The following KLHL2 variants were observed in gnomAD, a reference collection of about 807,000 sequenced individuals.
The protein encoded by KLHL2 is kelch-like protein 2.
A neutral mutation model predicts 75.8 loss-of-function variants in KLHL2; 15 were observed. That is an observed-to-expected ratio of 0.20 (90% CI 0.13 to 0.30). The LOEUF is 0.30. Ranked by LOEUF, KLHL2 falls within the 10% of genes least tolerant of loss-of-function variation. KLHL2 has a pLI of 1.00. For synonymous variants in KLHL2, 214 were observed against 251.9 expected (o/e 0.85, Z 1.42); for missense variants, 381 against 741.0 (o/e 0.51, Z 5.64).
chr4:165,240,694 G>A (rs973597800), intron 4 of KLHL2, among the ~76,000 whole-genome samples: 19 of 152,012 alleles, frequency 1.2e-4, no homozygotes, highest in Admixed American at 3.3e-4. Flanking sequence ...GTTTCTTTTT[G>A]TTCATTCTTT....
In KLHL2 at chr4:165,313,246, TATGCTG is replaced by T; in HGVS notation, c.1349_1354del (p.Tyr450_Val452delinsLeu). 1 of 1,610,590 alleles carries T rather than the reference TATGCTG, an allele frequency of 6.2e-7. No individual in the cohort carries two copies. Among genetic ancestry groups the T allele is most frequent in the Non-Finnish European group, 8.5e-7 (1 of 1,178,628 alleles). On this transcript the variant is annotated inframe_deletion, in exon 12 of 15. Coordinates refer to ENST00000226725, the MANE Select transcript of KLHL2 (RefSeq NM_007246.4). ...TGTGATTTTATGTGTAGGTTTGCTC[TATGCTG>T]TAGGAGGTTATGATGGAGCATCACG...
intron 4 of KLHL2, among the ~76,000 whole-genome samples, chr4:165,248,158 C>T (rs957184495): frequency 2.0e-5 from 3 of 152,108 alleles, no homozygotes; most frequent in African/African-American, 7.2e-5. Flanking sequence ...TAGAGCAAGA[C>T]TACATGAGTG....
At chr4:165,233,617 G>T (rs572912464) in intron 3 of KLHL2, among the ~76,000 whole-genome samples, 4 of 152,058 alleles carry the variant, frequency 2.6e-5, no homozygotes, top group Non-Finnish European at 4.4e-5. Flanking sequence ...ATTCATCAAG[G>T]AATATTTATT....
intron 5 of KLHL2, among the ~76,000 whole-genome samples, chr4:165,283,259 C>G (rs1743831993): frequency 6.6e-6 from 1 of 152,210 alleles, no homozygotes; most frequent in South Asian, 2.1e-4. Context: ...CAACAGTCCC[C>G]CAAAGTCTTA....
intron 1 of KLHL2, chr4:165,208,385 T>C (rs889363762): frequency 6.6e-6 from 1 of 152,262 alleles, no homozygotes; most frequent in Non-Finnish European, 1.5e-5. Flanking sequence ...TCTGAGGAGC[T>C]TTTGCATCAC....
chr4:165,298,635 G>T (rs1297792855), intron 7 of KLHL2, among the ~76,000 whole-genome samples: 1 of 151,922 alleles, frequency 6.6e-6, no homozygotes, highest in Non-Finnish European at 1.5e-5. Flanking sequence ...GGGTCTTCTG[G>T]TATTAAGAAG....
intron 5 of KLHL2, among the ~76,000 whole-genome samples, chr4:165,293,594 C>T (rs189978543): frequency 8.0e-4 from 122 of 151,944 alleles, no homozygotes; most frequent in Admixed American, 1.4e-3. Context: ...GCTTCGCCTC[C>T]CAGGTTCATT....
intron 1 of KLHL2, among the ~76,000 whole-genome samples, chr4:165,215,711 A>G (rs934477664): frequency 6.6e-6 from 1 of 151,764 alleles, no homozygotes; most frequent in Non-Finnish European, 1.5e-5. Flanking sequence ...CATCATTCAC[A>G]TGAATGGTTG....
intron 3 of KLHL2, among the ~76,000 whole-genome samples, chr4:165,229,297 A>G (rs565865431): frequency 1.3e-5 from 2 of 152,360 alleles, no homozygotes; most frequent in East Asian, 3.9e-4. Context: ...TTTATTTAAT[A>G]TCCTTCATTT....
intron 3 of KLHL2, 64 bp from the exon 4 acceptor site, chr4:165,238,714 T>C (rs1739563826): frequency 2.5e-6 from 4 of 1,602,856 alleles, no homozygotes; most frequent in Admixed American, 1.8e-5. Context: ...TCAATCTACA[T>C]TGGCATTGGA....
Position 165,274,943 on chromosome 4 carries a change from G to A in KLHL2, c.544+11584G>A, listed in dbSNP as rs539581590. On this transcript the variant is annotated intron_variant, in intron 5 of 14. Coordinates refer to ENST00000226725, the MANE Select transcript of KLHL2 (RefSeq NM_007246.4). ...GAGATGCTCTCGTGGCTTCAGCAGC[G>A]TGGCACTGGCAGTGACAGCCTGTCG... Among the ~76,000 whole-genome samples the A allele has an allele frequency of 9.9e-5, 15 of 152,238 alleles. No homozygotes were observed. In the South Asian group the frequency reaches 1.7e-3, roughly 17 times the overall value.
rs1172521020 is a variant in KLHL2 at position 165,311,456 on chromosome 4, T to C, written c.1238-8T>C. On this transcript the variant is annotated splice_polypyrimidine_tract_variant and splice_region_variant and intron_variant, in intron 10 of 14. Coordinates refer to ENST00000226725, the MANE Select transcript of KLHL2 (RefSeq NM_007246.4). ...GAAGGAAATGAAGACTATTGTGCTT[T>C]ATTATAGGTTTGTCATCTGTGGAAG... 5 of 1,586,766 alleles carry C rather than the reference T, an allele frequency of 3.2e-6. No homozygotes were observed. Among genetic ancestry groups the C allele is most frequent in the East Asian group, 2.2e-5 (1 of 44,738 alleles).
intron 1 of KLHL2, among the ~76,000 whole-genome samples, chr4:165,216,762 G>A (rs969379537): frequency 9.2e-5 from 14 of 152,114 alleles, no homozygotes; most frequent in Non-Finnish European, 1.9e-4. Flanking sequence ...AAGGGCATTC[G>A]TTTTGAAAAT....
chr4:165,218,335 CT>C (rs1737698975), intron 1 of KLHL2, among the ~76,000 whole-genome samples: 1 of 152,182 alleles, frequency 6.6e-6, no homozygotes. Context: ...CAGCCCCAGC[CT>C]TTTGCCAAAG....
At chr4:165,293,563 T>C (rs1346541700) in intron 5 of KLHL2, among the ~76,000 whole-genome samples, 1 of 151,694 alleles carries the variant, frequency 6.6e-6, no homozygotes. Flanking sequence ...AGTGCAGTGC[T>C]GCGATCTCAG....
intron 1 of KLHL2, among the ~76,000 whole-genome samples, chr4:165,215,695 C>A: frequency 6.6e-6 from 1 of 151,990 alleles, no homozygotes. Flanking sequence ...TTAAACTTTG[C>A]AGCTGCATCA....
intron 5 of KLHL2, among the ~76,000 whole-genome samples, chr4:165,273,028 T>A (rs1353697661): frequency 6.6e-6 from 1 of 152,178 alleles, no homozygotes; most frequent in East Asian, 1.9e-4. Flanking sequence ...TTTCTTAGGT[T>A]TTAGGTAACA....
intron 10 of KLHL2, 52 bp downstream of exon 10, chr4:165,310,802 C>A: frequency 3.7e-6 from 5 of 1,334,152 alleles, no homozygotes; most frequent in Non-Finnish European, 4.3e-6. Context: ...ACGTAGTAGT[C>A]ATGTTTATGG....
chr4:165,266,711 T>C (rs1028543789), intron 5 of KLHL2, among the ~76,000 whole-genome samples: 2 of 152,244 alleles, frequency 1.3e-5, no homozygotes, highest in Non-Finnish European at 2.9e-5. Context: ...CATGCTGTTT[T>C]GGTTACTGTA....
Sources: allele counts gnomAD v4.1 joint callset (sites outside exome capture counted in the v4.1 genomes callset), GRCh38; gene constraint gnomAD v4.1.1; transcripts MANE v1.5; gene names NCBI Gene and HGNC (gene_info 2026-07-23, HGNC 2026-07-21).